ADGRL2: variants seen among roughly 807,000 people sequenced by gnomAD.
ADGRL2 encodes the protein adhesion G protein-coupled receptor L2, also known as calcium-independent alpha-latrotoxin receptor 2.
In ADGRL2, 44 loss-of-function variants were observed where a neutral mutation model predicts 157.4. That is an observed-to-expected ratio of 0.28 (90% confidence interval 0.22 to 0.36). The LOEUF is 0.36. Ranked by LOEUF, ADGRL2 falls within the 10% of genes least tolerant of loss-of-function variation. ADGRL2 has a pLI of 1.00. For synonymous variants in ADGRL2, 585 were observed against 624.7 expected, an observed-to-expected ratio of 0.94 and a Z score of 0.95; for missense variants, 1,510 against 1,768.9, an observed-to-expected ratio of 0.85 and a Z score of 2.63.
At chr1:81,707,870 G>A (rs973994198) in intron 1 of ADGRL2, among the ~76,000 whole-genome samples, 1 of 152,080 alleles carries the variant, frequency 6.6e-6, no homozygotes, top group East Asian at 1.9e-4. Flanking sequence ...TGCTGGAAGA[G>A]AATATAATTA....
intron 1 of ADGRL2, among the ~76,000 whole-genome samples, chr1:81,416,380 C>T (rs560460247): frequency 1.1e-3 from 164 of 151,662 alleles, no homozygotes; most frequent in Non-Finnish European, 2.0e-3. Flanking sequence ...ACATTCATCT[C>T]TACCTCTTAC....
intron 2 of ADGRL2, among the ~76,000 whole-genome samples, chr1:81,466,387 C>T (rs765648912): frequency 6.6e-6 from 1 of 152,116 alleles, no homozygotes; most frequent in Non-Finnish European, 1.5e-5. Context: ...TTGACTAGGC[C>T]GTGGCATTAC....
intron 23 of ADGRL2, 38 bp downstream of exon 23, chr1:81,987,924 A>G (rs1173053074): frequency 3.1e-6 from 1 of 324,778 alleles, no homozygotes; most frequent in South Asian, 2.9e-5. Flanking sequence ...ATCAAATGTA[A>G]ATTTTTTCAG....
chr1:81,357,238 A>G (rs1297407551), intron 1 of ADGRL2, among the ~76,000 whole-genome samples: 1 of 152,094 alleles, frequency 6.6e-6, no homozygotes, highest in Non-Finnish European at 1.5e-5. Flanking sequence ...TCTTTGCACC[A>G]TGATTTATGT....
rs1346935103 is a variant in ADGRL2 at position 81,942,023 on chromosome 1, T to A, written c.398-11T>A. The A allele has an allele frequency of 1.3e-6, 1 of 770,818 alleles. No homozygotes were observed. 47.7% of individuals were successfully genotyped at this position (770,818 alleles called of 1,614,324 possible). A position where few individuals can be genotyped will look rare whatever the true frequency, so the allele number is the denominator to read the frequency against. On this transcript the variant is annotated splice_polypyrimidine_tract_variant and intron_variant, in intron 4 of 23. Coordinates refer to ENST00000686636, the MANE Select transcript of ADGRL2 (RefSeq NM_001366006.2). ...CTTTTTTATTTTTCTTCCTGATGCT[T>A]AAAATAGAAGTGGAGCAAAAAGGTA...
At chr1:81,475,275 C>T (rs1480297072) in intron 2 of ADGRL2, among the ~76,000 whole-genome samples, 1 of 152,126 alleles carries the variant, frequency 6.6e-6, no homozygotes, top group African/African-American at 2.4e-5. Flanking sequence ...ATTATTTTAT[C>T]TGAGTATGTG....
intron 1 of ADGRL2, among the ~76,000 whole-genome samples, chr1:81,442,967 C>T (rs2077535525): frequency 6.6e-6 from 1 of 152,184 alleles, no homozygotes; most frequent in East Asian, 1.9e-4. Flanking sequence ...CTCCAAAAAC[C>T]TACTCTGTTG....
At position 81,991,063 on chromosome 1, in the gene ADGRL2, A is replaced by T; in HGVS notation, c.4328A>T (p.Tyr1443Phe). ...ATCAGCAGGGGCAATAGTGATGGTT[A>T]TATAATCCCCATTAACAAAGAAGGG... ...YQISRGNSDGYIIPINKEGCI... is the reference protein window; with the variant it reads ...YQISRGNSDGFIIPINKEGCI... Residue 1443 changes from tyrosine (Y) to phenylalanine (F), a missense_variant, in exon 24 of 24, where the codon TAT becomes TTT. Coordinates refer to ENST00000686636, the MANE Select transcript of ADGRL2 (RefSeq NM_001366006.2). 1 of 1,613,758 alleles carries T rather than the reference A, an allele frequency of 6.2e-7. No homozygotes were observed. The highest frequency in any genetic ancestry group is 2.2e-5 in the East Asian group (1 of 44,854).
intron 1 of ADGRL2, chr1:81,722,519 A>G: frequency 2.6e-6 from 4 of 1,556,722 alleles, no homozygotes; most frequent in Non-Finnish European, 2.6e-6. Flanking sequence ...TGACAGAGCC[A>G]TGAAATAAAT....
intron 2 of ADGRL2, among the ~76,000 whole-genome samples, chr1:81,464,266 C>T (rs2078003628): frequency 6.6e-6 from 1 of 151,984 alleles, no homozygotes; most frequent in Admixed American, 6.6e-5. Context: ...TCCTTTTCCT[C>T]TCCCTATCTC....
chr1:81,727,233 T>C (rs1432499827), intron 1 of ADGRL2, among the ~76,000 whole-genome samples: 1 of 152,176 alleles, frequency 6.6e-6, no homozygotes, highest in African/African-American at 2.4e-5. Context: ...TGAAACAAAA[T>C]AGACCAAATT....
chr1:81,824,000 T>G (rs758464618), intron 1 of ADGRL2, among the ~76,000 whole-genome samples: 4 of 152,214 alleles, frequency 2.6e-5, no homozygotes, highest in African/African-American at 9.7e-5. Flanking sequence ...GTTTTTTTAA[T>G]TACCAGGATA....
intron 2 of ADGRL2, among the ~76,000 whole-genome samples, chr1:81,525,421 G>A (rs866398277): frequency 1.6e-4 from 25 of 152,170 alleles, no homozygotes; most frequent in Admixed American, 7.2e-4. Flanking sequence ...GGGTTCAAGC[G>A]ATTCTCATGC....
At chr1:81,660,077 T>C (rs2148876004) in intron 3 of ADGRL2, among the ~76,000 whole-genome samples, 1 of 152,256 alleles carries the variant, frequency 6.6e-6, no homozygotes, top group East Asian at 1.9e-4. Context: ...TTTCTTCCCT[T>C]CAAGCAGAGG....
chr1:81,851,991 A>G (rs918116099), intron 2 of ADGRL2, among the ~76,000 whole-genome samples: 6 of 152,018 alleles, frequency 3.9e-5, no homozygotes, highest in Admixed American at 3.3e-4. Context: ...AAATTATTAT[A>G]TTCTGTACAA....
At chr1:81,984,790 T>G in intron 20 of ADGRL2, 79 bp downstream of exon 20, 1 of 1,425,580 alleles carries the variant, frequency 7.0e-7, no homozygotes, top group Non-Finnish European at 9.6e-7. Context: ...TCAGATGCAC[T>G]AATTGTCTTC....
intron 3 of ADGRL2, among the ~76,000 whole-genome samples, chr1:81,592,805 T>C (rs1886342): frequency 0.72 from 108,970 of 151,744 alleles, 39,433 homozygotes; most frequent in African/African-American, 0.78. Flanking sequence ...GGTGGGGAAG[T>C]GGGTGCAGGC....
At chr1:81,512,861 C>G (rs1272806149) in intron 2 of ADGRL2, among the ~76,000 whole-genome samples, 2 of 152,036 alleles carry the variant, frequency 1.3e-5, no homozygotes, top group Non-Finnish European at 2.9e-5. Context: ...ATAATGCTTA[C>G]TAGAAAGAGT....
intron 3 of ADGRL2, among the ~76,000 whole-genome samples, chr1:81,664,283 A>T (rs1206692344): frequency 6.6e-6 from 1 of 152,160 alleles, no homozygotes; most frequent in African/African-American, 2.4e-5. Context: ...AAGGTAAACA[A>T]CATCCTAGAT....
Sources: allele counts gnomAD v4.1 joint callset (sites outside exome capture counted in the v4.1 genomes callset), GRCh38; gene constraint gnomAD v4.1.1; transcripts MANE v1.5; gene names NCBI Gene and HGNC (gene_info 2026-07-23, HGNC 2026-07-21).